INPP4B: variants seen among roughly 807,000 people sequenced by gnomAD.
INPP4B encodes the protein inositol polyphosphate 4-phosphatase type II.
Under a neutral mutation model 122.5 loss-of-function variants are expected in INPP4B, and 55 were observed. The ratio of observed to expected loss-of-function variants is 0.45; its 90% CI spans 0.36 to 0.56. The LOEUF is 0.56. Among genes scored for constraint, INPP4B ranks in the 20% least tolerant of loss-of-function variants. The pLI, the probability that INPP4B is intolerant of heterozygous loss-of-function variation, is 0.00. For synonymous variants in INPP4B, 403 were observed against 388.7 expected (o/e 1.04, Z -0.43); for missense variants, 1,000 against 1,097.7 (o/e 0.91, Z 1.26).
intron 25 of INPP4B, among the ~76,000 whole-genome samples, chr4:142,062,937 T>TA (rs1761791858): frequency 2.0e-5 from 3 of 152,136 alleles, no homozygotes; most frequent in Admixed American, 1.3e-4. Context: ...AATGGGGAAA[T>TA]ATGTTAACTA....
At chr4:142,164,742 A>G (rs1821863432) in intron 16 of INPP4B, among the ~76,000 whole-genome samples, 1 of 151,460 alleles carries the variant, frequency 6.6e-6, no homozygotes, top group African/African-American at 2.4e-5. Context: ...ATTTTATCTT[A>G]CTTTTATTTT....
intron 22 of INPP4B, among the ~76,000 whole-genome samples, chr4:142,110,696 C>A (rs1248782261): frequency 1.3e-5 from 2 of 152,048 alleles, no homozygotes; most frequent in African/African-American, 2.4e-5. Flanking sequence ...TCTTGTGTGT[C>A]TTGTACAGCT....
chr4:142,519,525 A>G, intron 2 of INPP4B, among the ~76,000 whole-genome samples: 1 of 152,176 alleles, frequency 6.6e-6, no homozygotes, highest in East Asian at 1.9e-4. Context: ...GAGATAAATG[A>G]GTTACACAGT....
intron 12 of INPP4B, among the ~76,000 whole-genome samples, chr4:142,218,850 A>T (rs1212166196): frequency 5.3e-5 from 8 of 152,188 alleles, no homozygotes; most frequent in African/African-American, 1.4e-4. Flanking sequence ...AATACTAAAT[A>T]GTCAGTGAAG....
chr4:142,085,189 A>G (rs1483645712), intron 24 of INPP4B, among the ~76,000 whole-genome samples: 1 of 152,214 alleles, frequency 6.6e-6, no homozygotes, highest in Non-Finnish European at 1.5e-5. Context: ...ATTATTTCAT[A>G]TGGGCTCATG....
intron 2 of INPP4B, among the ~76,000 whole-genome samples, chr4:142,611,068 C>T (rs1742392168): frequency 6.6e-6 from 1 of 152,180 alleles, no homozygotes; most frequent in Admixed American, 6.5e-5. Context: ...TGGTATCCAC[C>T]TGGCTTCCAG....
intron 2 of INPP4B, among the ~76,000 whole-genome samples, chr4:142,608,160 G>A (rs1741681369): frequency 6.6e-6 from 1 of 152,146 alleles, no homozygotes; most frequent in South Asian, 2.1e-4. Flanking sequence ...ACAGTAGAGT[G>A]ACTGCTGCAC....
chr4:142,320,030 G>A (rs1436443807), intron 7 of INPP4B, among the ~76,000 whole-genome samples: 1 of 152,074 alleles, frequency 6.6e-6, no homozygotes, highest in East Asian at 1.9e-4. Flanking sequence ...GCTCCCTCAG[G>A]CTGTTCTCAG....
intron 11 of INPP4B, among the ~76,000 whole-genome samples, chr4:142,258,592 C>T (rs1476481225): frequency 6.6e-6 from 1 of 152,168 alleles, no homozygotes; most frequent in African/African-American, 2.4e-5. Context: ...AGCCAAAAAA[C>T]ACATGAAAAA....
chr4:142,307,093 A>T (rs1047017032), intron 8 of INPP4B, among the ~76,000 whole-genome samples: 1 of 152,204 alleles, frequency 6.6e-6, no homozygotes, highest in Admixed American at 6.5e-5. Context: ...AGCTCTGATG[A>T]TAGGACCGTG....
intron 3 of INPP4B, among the ~76,000 whole-genome samples, chr4:142,444,555 T>A (rs1370939663): frequency 6.6e-6 from 1 of 151,944 alleles, no homozygotes; most frequent in Non-Finnish European, 1.5e-5. Context: ...ACCACACTGT[T>A]GGTGGGAGTG....
At chr4:142,494,756 A>G (rs2149795152) in intron 2 of INPP4B, among the ~76,000 whole-genome samples, 1 of 152,188 alleles carries the variant, frequency 6.6e-6, no homozygotes. Flanking sequence ...TAAAAATTTT[A>G]TTGTTAGTCC....
chr4:142,505,065 T>C (rs1158643205), intron 2 of INPP4B, among the ~76,000 whole-genome samples: 1 of 151,866 alleles, frequency 6.6e-6, no homozygotes, highest in Admixed American at 6.6e-5. Flanking sequence ...TGAGACCCAA[T>C]GTCTACAAAA....
intron 5 of INPP4B, among the ~76,000 whole-genome samples, chr4:142,428,634 A>C (rs1430327165): frequency 6.6e-6 from 1 of 152,054 alleles, no homozygotes; most frequent in Non-Finnish European, 1.5e-5. Context: ...CAAAGTTACA[A>C]ATTTTTACAT....
chr4:142,576,521 A>G (rs1184941493), intron 2 of INPP4B, among the ~76,000 whole-genome samples: 1 of 151,942 alleles, frequency 6.6e-6, no homozygotes, highest in Non-Finnish European at 1.5e-5. Context: ...TATGAGAAAT[A>G]TCTATTGACA....
At chr4:142,747,315 G>A (rs987070869) in intron 1 of INPP4B, among the ~76,000 whole-genome samples, 33 of 151,886 alleles carry the variant, frequency 2.2e-4, no homozygotes, top group African/African-American at 5.3e-4. Flanking sequence ...TCAAAACCAC[G>A]ATGACATACC....
At chr4:142,599,595 G>T (rs1739442662) in intron 2 of INPP4B, among the ~76,000 whole-genome samples, 1 of 152,012 alleles carries the variant, frequency 6.6e-6, no homozygotes, top group Non-Finnish European at 1.5e-5. Flanking sequence ...AGCACAGACA[G>T]CAACATAAAG....
chr4:142,389,077 C>T (rs938436910), intron 7 of INPP4B, among the ~76,000 whole-genome samples: 1 of 151,982 alleles, frequency 6.6e-6, no homozygotes, highest in African/African-American at 2.4e-5. Flanking sequence ...TGGTGAAACC[C>T]TGTCTCTACT....
chr4:142,655,035 T>C (rs1753864280), intron 2 of INPP4B, among the ~76,000 whole-genome samples: 1 of 152,176 alleles, frequency 6.6e-6, no homozygotes. Flanking sequence ...TCTTGCTCAA[T>C]TCTCACAGCA....
Sources: gnomAD v4.1 joint callset for allele counts (sites outside exome capture counted in the v4.1 genomes callset) on GRCh38, gnomAD v4.1.1 for gene constraint, MANE v1.5 for transcripts, NCBI Gene and HGNC (gene_info 2026-07-23, HGNC 2026-07-21) for gene names.